Variants in C11orf54 observed in about 807,000 individuals in gnomAD.
The protein encoded by C11orf54 is beta-keto L-gulonate decarboxylase.
Under a neutral mutation model 35.5 loss-of-function variants are expected in C11orf54, and 29 were observed. The observed-to-expected ratio is 0.82, with a 90% confidence interval of 0.61 to 1.11. The LOEUF (loss-of-function observed/expected upper bound fraction) is 1.11. Ranked by LOEUF, C11orf54 falls within the 50% of genes most tolerant of loss-of-function variation. The pLI is 0.00. For synonymous variants in C11orf54, 108 were observed against 121.1 expected (o/e 0.89, Z 0.71); for missense variants, 373 against 369.2 (o/e 1.01, Z -0.08).
chr11:93,754,957 C>T (rs955483818), intron 5 of C11orf54: 8 of 283,508 alleles, frequency 2.8e-5, no homozygotes, highest in Admixed American at 4.7e-5. Flanking sequence ...TGGTCTTGAT[C>T]TCTTCTCTTG....
At chr11:93,743,004 CTTTTTTT>C (rs111849525) in intron 1 of C11orf54, 1 of 146,342 alleles carries the variant, frequency 6.8e-6, no homozygotes, top group African/African-American at 2.5e-5. Context: ...TTTCTTTTTT[CTTTTTTT>C]TTTTAGAAAC....
chr11:93,756,383 C>T (rs1313560827), intron 6 of C11orf54, among the ~76,000 whole-genome samples: 1 of 148,400 alleles, frequency 6.7e-6, no homozygotes, highest in African/African-American at 2.5e-5. Flanking sequence ...GTCCTAGCTA[C>T]TCAGGAGGCT....
At chr11:93,743,561 G>T (rs1478565529) in intron 1 of C11orf54, among the ~76,000 whole-genome samples, 1 of 152,192 alleles carries the variant, frequency 6.6e-6, no homozygotes, top group African/African-American at 2.4e-5. Flanking sequence ...GGTGCGTGGG[G>T]GTGAGCAGAT....
At chr11:93,756,635 G>A (rs903023918) in intron 6 of C11orf54, among the ~76,000 whole-genome samples, 2 of 152,040 alleles carry the variant, frequency 1.3e-5, no homozygotes, top group South Asian at 4.1e-4. Context: ...GTAGTAAATA[G>A]GTTATTTGCT....
Position 93,753,958 on chromosome 11 carries a change from C to G in C11orf54, c.251C>G (p.Ala84Gly). 1 of 1,613,972 alleles carries G rather than the reference C, an allele frequency of 6.2e-7. No individual in the cohort carries two copies. The highest frequency in any genetic ancestry group is 2.2e-5 in the East Asian group (1 of 44,864). The stretch of plus-strand genomic sequence containing the variant: ...TAGGTTTATGATCTGAATAAAATTG[C>G]AAAAGAAATCAAGCTGCCTGGAGCC... Reference protein sequence around the residue: ...QKKVYDLNKIAKEIKLPGAFI... With the variant: ...QKKVYDLNKIGKEIKLPGAFI... Residue 84 changes from alanine (A) to glycine (G), a missense_variant, in exon 5 of 9, where the codon GCA becomes GGA. Ala to Gly is a moderately conservative substitution (Grantham distance 60). Transcript: ENST00000354421.
chr11:93,753,958 C>T lies in C11orf54; in HGVS notation c.251C>T (p.Ala84Val). Residue 84 changes from alanine to valine, a missense_variant, in exon 5 of 9, where the codon GCA becomes GTA. Ala to Val is a moderately conservative substitution (Grantham distance 64, BLOSUM62 0). Transcript: ENST00000354421. ...TAGGTTTATGATCTGAATAAAATTG[C>T]AAAAGAAATCAAGCTGCCTGGAGCC... Reference protein sequence around the residue: ...QKKVYDLNKIAKEIKLPGAFI... With the variant: ...QKKVYDLNKIVKEIKLPGAFI... 1 of 1,613,972 alleles carries T rather than the reference C, an allele frequency of 6.2e-7. No homozygotes were observed. Among genetic ancestry groups the T allele is most frequent in the Middle Eastern group, 1.7e-4 (1 of 6,060 alleles).
intron 3 of C11orf54, among the ~76,000 whole-genome samples, chr11:93,752,632 G>T (rs950308993): frequency 2.7e-5 from 4 of 150,772 alleles, no homozygotes; most frequent in African/African-American, 9.8e-5. Flanking sequence ...TCTTTCCTTA[G>T]CCTCTTCTTA....
In C11orf54 at chr11:93,747,527, A is replaced by G. The variant is rs2135586751; in HGVS notation, c.55+79A>G. On this transcript the variant is annotated intron_variant, in intron 2 of 8. Transcript: ENST00000354421. The stretch of plus-strand genomic sequence containing the variant: ...TTTAAAAAGATTCTAAGATCTATCT[A>G]TATCTTACTACTTATGTATATCTAT... The G allele has an allele frequency of 2.9e-6, 3 of 1,033,374 alleles. No individual in the cohort carries two copies. In the South Asian group the frequency reaches 4.7e-5, roughly 16 times the overall value. 64.0% of individuals were successfully genotyped at this position (1,033,374 alleles called of 1,614,324 possible). A position where few individuals can be genotyped will look rare whatever the true frequency, so the allele number is the denominator to read the frequency against.
At chr11:93,748,386 G>A (rs1341975656) in intron 2 of C11orf54, among the ~76,000 whole-genome samples, 1 of 151,952 alleles carries the variant, frequency 6.6e-6, no homozygotes, top group Non-Finnish European at 1.5e-5. Flanking sequence ...GGCCTCACTC[G>A]ATGCTCCTGC....
chr11:93,757,757 G>T (rs1010530884), intron 7 of C11orf54, among the ~76,000 whole-genome samples: 5 of 152,140 alleles, frequency 3.3e-5, no homozygotes, highest in South Asian at 2.1e-4. Context: ...TCGAACTCCT[G>T]ACCTCAGCTG....
rs1555024547 is a variant in C11orf54 at position 93,754,065 on chromosome 11, C to T, written c.330+28C>T. 9 of 1,576,184 alleles carry T rather than the reference C, an allele frequency of 5.7e-6. No individual in the cohort carries two copies. In the South Asian group the frequency reaches 1.0e-4, roughly 18 times the overall value. On this transcript the variant is annotated intron_variant, in intron 5 of 8. Transcript: ENST00000354421. Reference sequence around the variant, plus strand: ...CAGCATATATAAGAAAATTATTTTACTTTATTGGTTTGACATTTGGTTTGT... The same window carrying T: ...CAGCATATATAAGAAAATTATTTTATTTTATTGGTTTGACATTTGGTTTGT...
intron 1 of C11orf54, chr11:93,747,007 G>C (rs1222742033): frequency 6.4e-6 from 1 of 155,060 alleles, no homozygotes; most frequent in African/African-American, 2.4e-5. Context: ...TGAATCAGCT[G>C]GGAGCAGTGG....
rs1943539812 is a variant in C11orf54 at position 93,762,943 on chromosome 11, A to G, written c.*1255A>G. The G allele has an allele frequency of 6.6e-6, 1 of 152,228 alleles. No homozygotes were observed. The highest frequency in any genetic ancestry group is 2.4e-5 in the African/African-American group (1 of 41,468). The allele number at this position is 152,228 out of a possible 1,614,324, so 9.4% of individuals were successfully genotyped here. On this transcript the variant is annotated 3_prime_UTR_variant, in exon 9 of 9. Coordinates refer to ENST00000354421, the MANE Select transcript of C11orf54 (RefSeq NM_001286069.2). ...AATCTAGCTAATGTGCAAATTTAGG[A>G]AGTCTTCAGTACTAAGTACATAATT...
At chr11:93,750,312 A>G (rs924244264) in intron 2 of C11orf54, 34 bp from the exon 3 acceptor site, 1 of 1,577,430 alleles carries the variant, frequency 6.3e-7, no homozygotes, top group Non-Finnish European at 8.7e-7. Flanking sequence ...GTTTTTACCT[A>G]ATGTTAAATA....
At chr11:93,750,559 T>C in intron 3 of C11orf54, 115 bp downstream of exon 3, 1 of 806,554 alleles carries the variant, frequency 1.2e-6, no homozygotes, top group Non-Finnish European at 1.9e-6. Flanking sequence ...GTCACAACAT[T>C]TAGGCTAAAT....
In C11orf54 at chr11:93,747,296, G is replaced by A; in HGVS notation, c.-97-1G>A. The A allele has an allele frequency of 1.1e-6, 1 of 894,972 alleles. No individual in the cohort carries two copies. Among genetic ancestry groups the A allele is most frequent in the Non-Finnish European group, 1.7e-6 (1 of 600,098 alleles). The allele number at this position is 894,972 out of a possible 1,614,324, so 55.4% of individuals were successfully genotyped here. A position where few individuals can be genotyped will look rare whatever the true frequency, so the allele number is the denominator to read the frequency against. ...TTTGAATGCTCAATGTTCATTTCCA[G>A]AACAGAAACTGTTCATACTTGGTGC... is the stretch of plus-strand genomic sequence containing the variant. On this transcript the variant is annotated splice_acceptor_variant, in intron 1 of 8. Coordinates refer to ENST00000354421, the MANE Select transcript of C11orf54 (RefSeq NM_001286069.2). LOFTEE classifies it low-confidence loss of function (5UTR_SPLICE).
intron 2 of C11orf54, among the ~76,000 whole-genome samples, chr11:93,748,169 C>A (rs1033850432): frequency 7.9e-5 from 12 of 151,726 alleles, no homozygotes; most frequent in Non-Finnish European, 1.8e-4. Context: ...CTCATTTTTG[C>A]TTTGTTGTAA....
Position 93,755,194 on chromosome 11 carries a change from C to T in C11orf54, c.331-16C>T. On this transcript the variant is annotated splice_polypyrimidine_tract_variant and intron_variant, in intron 5 of 8. Coordinates refer to ENST00000354421, the MANE Select transcript of C11orf54 (RefSeq NM_001286069.2). ...AGAGATACAAAGATTGACTAATTGCCTCACTTTCTTTTCAGTTTATGCCAG... is the reference window on the plus strand; with the variant it reads ...AGAGATACAAAGATTGACTAATTGCTTCACTTTCTTTTCAGTTTATGCCAG... The T allele has an allele frequency of 6.2e-7, 1 of 1,611,380 alleles. No homozygotes were observed. Among genetic ancestry groups the T allele is most frequent in the South Asian group, 1.1e-5 (1 of 90,802 alleles).
intron 2 of C11orf54, among the ~76,000 whole-genome samples, chr11:93,750,139 A>G (rs1942734435): frequency 6.6e-6 from 1 of 152,256 alleles, no homozygotes; most frequent in Admixed American, 6.5e-5. Context: ...AAATCACTGT[A>G]GAGGAAGTAT....
Sources: gnomAD v4.1 joint callset for allele counts (sites outside exome capture counted in the v4.1 genomes callset) on GRCh38, gnomAD v4.1.1 for gene constraint, MANE v1.5 for transcripts, NCBI Gene and HGNC (gene_info 2026-07-23, HGNC 2026-07-21) for gene names.